The following MEIKIN variants were observed in gnomAD, a reference collection of about 807,000 sequenced individuals.
MEIKIN encodes meiosis-specific kinetochore protein.
intron 8 of MEIKIN, among the ~76,000 whole-genome samples, chr5:131,906,927 G>C (rs1236060315): frequency 6.6e-6 from 1 of 152,110 alleles, no homozygotes; most frequent in Non-Finnish European, 1.5e-5. Context: ...TTACATAGAT[G>C]AAGAAATAAT....
chr5:131,932,556 C>T (rs879330591), intron 5 of MEIKIN, among the ~76,000 whole-genome samples: 1 of 152,142 alleles, frequency 6.6e-6, no homozygotes, highest in Non-Finnish European at 1.5e-5. Context: ...TTGCAGAAAG[C>T]AAGTGACATG....
rs560349014 is a variant in MEIKIN, at chr5:131,884,744, C to T, written c.704-5696G>A. ...GCAGGCTCTTGGGGGTCCCTAATTC[C>T]AGGCCTTGGCTCTTGGACAGCATTT... On this transcript the variant is annotated intron_variant, in intron 8 of 12. Coordinates refer to ENST00000442687, the MANE Select transcript of MEIKIN (RefSeq NM_001303622.2). Among the ~76,000 whole-genome samples, 311 of 151,242 alleles carry T rather than the reference C, an allele frequency of 2.1e-3. 1 individual carries two copies. The highest frequency in any genetic ancestry group is 7.4e-3 in the African/African-American group (305 of 41,182).
intron 8 of MEIKIN, among the ~76,000 whole-genome samples, chr5:131,906,615 T>A (rs948295287): frequency 2.0e-5 from 3 of 152,078 alleles, no homozygotes; most frequent in African/African-American, 7.2e-5. Context: ...GGAATCAACC[T>A]AAATGTTCAT....
At position 131,926,987 on chromosome 5, in the gene MEIKIN, T is replaced by C. The variant is rs1370715353; in HGVS notation, c.479-5046A>G. ...ACTGATTTCTTTCTATTTTTTTCAATTTTCTGTTCCATTTATTTCTGCTCT... is the reference window on the plus strand; with the variant it reads ...ACTGATTTCTTTCTATTTTTTTCAACTTTCTGTTCCATTTATTTCTGCTCT... On this transcript the variant is annotated intron_variant, in intron 5 of 12. Transcript: ENST00000442687. Among the ~76,000 whole-genome samples, 3 of 152,182 alleles carry C rather than the reference T, an allele frequency of 2.0e-5. No individual in the cohort carries two copies. In the South Asian group the frequency reaches 6.2e-4, roughly 31 times the overall value.
rs1750168126 is a variant in MEIKIN, at chr5:131,854,844, T to C, written c.775-10A>G. ...TACTGGAATTTGTTTTCTATAAATG[T>C]TTTTATAAAACAGGGATTGAACAGC... On this transcript the variant is annotated splice_polypyrimidine_tract_variant and intron_variant, in intron 9 of 12. Transcript: ENST00000442687. 10 of 397,624 alleles carry C rather than the reference T, an allele frequency of 2.5e-5. No homozygotes were observed. The highest frequency in any genetic ancestry group is 3.6e-5 in the Non-Finnish European group (8 of 225,344). 24.6% of individuals were successfully genotyped at this position (397,624 alleles called of 1,614,324 possible).
chr5:131,831,885 T>C (rs908874649), intron 11 of MEIKIN, among the ~76,000 whole-genome samples: 1 of 152,136 alleles, frequency 6.6e-6, no homozygotes, highest in South Asian at 2.1e-4. Context: ...AAGAACAGCA[T>C]AGGAAAGACT....
chr5:131,815,873 A>C (rs1304604841), intron 12 of MEIKIN, among the ~76,000 whole-genome samples: 3 of 152,262 alleles, frequency 2.0e-5, no homozygotes, highest in Admixed American at 2.0e-4. Flanking sequence ...TGCCTGCTGA[A>C]GGCAGAAGGA....
At chr5:131,811,526 C>T (rs886394353) in intron 12 of MEIKIN, among the ~76,000 whole-genome samples, 4 of 151,786 alleles carry the variant, frequency 2.6e-5, no homozygotes, top group African/African-American at 9.7e-5. Flanking sequence ...AGGCTGTTCT[C>T]GAACTCCTGA....
chr5:131,845,408 G>GA (rs557806935), intron 11 of MEIKIN, among the ~76,000 whole-genome samples: 79 of 142,342 alleles, frequency 5.6e-4, no homozygotes, highest in African/African-American at 1.9e-3. Context: ...AAAAGAAACA[G>GA]AAAAGTATGG....
chr5:131,906,797 T>C (rs1441903430), intron 8 of MEIKIN, among the ~76,000 whole-genome samples: 2 of 152,130 alleles, frequency 1.3e-5, no homozygotes, highest in Non-Finnish European at 1.5e-5. Flanking sequence ...GTCTCACTTA[T>C]AAGTGGGACC....
At chr5:131,917,926 C>T (rs1312105347) in intron 6 of MEIKIN, among the ~76,000 whole-genome samples, 1 of 152,106 alleles carries the variant, frequency 6.6e-6, no homozygotes, top group Admixed American at 6.5e-5. Context: ...TTGCTGGTAA[C>T]AGTCACCTCA....
chr5:131,877,053 G>C (rs560589323), intron 9 of MEIKIN, among the ~76,000 whole-genome samples: 1 of 150,976 alleles, frequency 6.6e-6, no homozygotes, highest in African/African-American at 2.4e-5. Context: ...TGCTAAATGA[G>C]GAGTTAATGG....
chr5:131,932,810 C>T (rs139915782), intron 5 of MEIKIN, among the ~76,000 whole-genome samples: 1 of 152,152 alleles, frequency 6.6e-6, no homozygotes, highest in African/African-American at 2.4e-5. Context: ...TTTTTGACAT[C>T]TATTTACAAG....
chr5:131,855,702 C>A (rs987434885), intron 9 of MEIKIN, among the ~76,000 whole-genome samples: 1 of 151,866 alleles, frequency 6.6e-6, no homozygotes, highest in African/African-American at 2.4e-5. Context: ...AGACAGAAAC[C>A]AACATAGATT....
At chr5:131,855,754 G>A (rs1750181811) in intron 9 of MEIKIN, among the ~76,000 whole-genome samples, 1 of 152,144 alleles carries the variant, frequency 6.6e-6, no homozygotes, top group African/African-American at 2.4e-5. Context: ...AGGACAGTGA[G>A]AGAGATCAAG....
chr5:131,907,289 A>G (rs767561576), intron 8 of MEIKIN, among the ~76,000 whole-genome samples: 12 of 152,060 alleles, frequency 7.9e-5, no homozygotes, highest in Non-Finnish European at 1.2e-4. Context: ...ACTAAAAAAG[A>G]GCAAACCAAA....
At chr5:131,885,922 A>G (rs1750787674) in intron 8 of MEIKIN, among the ~76,000 whole-genome samples, 1 of 152,240 alleles carries the variant, frequency 6.6e-6, no homozygotes, top group South Asian at 2.1e-4. Flanking sequence ...AATAACACAG[A>G]GAAGAAATTC....
At chr5:131,863,757 G>C (rs1750331156) in intron 9 of MEIKIN, among the ~76,000 whole-genome samples, 1 of 151,986 alleles carries the variant, frequency 6.6e-6, no homozygotes, top group South Asian at 2.1e-4. Flanking sequence ...GACCCTCTGA[G>C]AGATAACTGA....
chr5:131,850,167 G>C (rs1384255084), intron 11 of MEIKIN, among the ~76,000 whole-genome samples: 1 of 151,886 alleles, frequency 6.6e-6, no homozygotes, highest in Non-Finnish European at 1.5e-5. Flanking sequence ...TAAAACATTG[G>C]TAAAATAAAT....
Sources: gnomAD v4.1 joint callset for allele counts (sites outside exome capture counted in the v4.1 genomes callset) on GRCh38, gnomAD v4.1.1 for gene constraint, MANE v1.5 for transcripts, NCBI Gene and HGNC (gene_info 2026-07-23, HGNC 2026-07-21) for gene names.